FOXN2: variants seen among roughly 807,000 people sequenced by gnomAD.
FOXN2 encodes the protein forkhead box protein N2.
Under a neutral mutation model 41.2 loss-of-function variants are expected in FOXN2, and 19 were observed. That is an observed-to-expected ratio of 0.46 (90% confidence interval 0.32 to 0.68). The LOEUF (loss-of-function observed/expected upper bound fraction) is 0.68. FOXN2 is among the 30% of genes least tolerant of loss of function. The pLI, the probability that FOXN2 is intolerant of heterozygous loss-of-function variation, is 0.03. For missense variants in FOXN2, 587 were observed against 509.4 expected, an observed-to-expected ratio of 1.15 and a Z score of -1.47; for synonymous variants, 195 against 176.8, an observed-to-expected ratio of 1.10 and a Z score of -0.82.
intron 1 of FOXN2, among the ~76,000 whole-genome samples, chr2:48,324,658 C>G (rs2104136049): frequency 6.6e-6 from 1 of 152,264 alleles, no homozygotes; most frequent in South Asian, 2.1e-4. Context: ...TTTTGAAGTA[C>G]TCTGCTTAGG....
At chr2:48,351,408 A>G (rs1671439924) in intron 3 of FOXN2, among the ~76,000 whole-genome samples, 1 of 152,178 alleles carries the variant, frequency 6.6e-6, no homozygotes, top group Non-Finnish European at 1.5e-5. Context: ...TCATAATACG[A>G]TATAGAAAGA....
At chr2:48,318,264 CT>C (rs376770977) in intron 1 of FOXN2, among the ~76,000 whole-genome samples, 18 of 152,030 alleles carry the variant, frequency 1.2e-4, no homozygotes, top group African/African-American at 2.7e-4. Flanking sequence ...TCCCTAATGT[CT>C]TTTTTTTGTT....
intron 1 of FOXN2, among the ~76,000 whole-genome samples, chr2:48,324,706 T>G (rs967224771): frequency 6.6e-6 from 1 of 152,204 alleles, no homozygotes; most frequent in Admixed American, 6.5e-5. Flanking sequence ...CTTTCTTTGG[T>G]TAACGATACT....
In FOXN2 at chr2:48,323,630, C is replaced by T. The variant is rs35456655; in HGVS notation, c.-156-4931C>T. On this transcript the variant is annotated intron_variant, in intron 1 of 6. Coordinates refer to ENST00000340553, the MANE Select transcript of FOXN2 (RefSeq NM_002158.4). ...TGCCTTGTAGGTTCTGGATATTAGTCGTTTGTCACATGTATAGTTTGCAAA... is the reference window on the plus strand; with the variant it reads ...TGCCTTGTAGGTTCTGGATATTAGTTGTTTGTCACATGTATAGTTTGCAAA... 1.0e-3 allele frequency among the ~76,000 whole-genome samples: 158 copies of T among 152,120 alleles called. 1 individual carries two copies. The highest frequency in any genetic ancestry group is 1.9e-3 in the Non-Finnish European group (129 of 67,990).
At position 48,378,426 on chromosome 2, in the gene FOXN2, G is replaced by A. The variant is rs575797271; in HGVS notation, c.*2983G>A. The A allele has an allele frequency of 6.7e-6, 1 of 149,762 alleles. No individual in the cohort carries two copies. The highest frequency in any genetic ancestry group is 2.1e-4 in the South Asian group (1 of 4,672). 9.3% of individuals were successfully genotyped at this position (149,762 alleles called of 1,614,324 possible). A position where few individuals can be genotyped will look rare whatever the true frequency, so the allele number is the denominator to read the frequency against. On this transcript the variant is annotated 3_prime_UTR_variant, in exon 7 of 7. Coordinates refer to ENST00000340553, the MANE Select transcript of FOXN2 (RefSeq NM_002158.4). ...CTACTTTCTGAGGCATTATGTAAAG[G>A]GCTCATACTAGATGTTCAGTTAAAT...
At chr2:48,327,936 T>G (rs1215455229) in intron 1 of FOXN2, among the ~76,000 whole-genome samples, 1 of 152,186 alleles carries the variant, frequency 6.6e-6, no homozygotes, top group Non-Finnish European at 1.5e-5. Context: ...AGTCCTAAGT[T>G]TTACTCTTGC....
chr2:48,333,812 T>A (rs926689069), intron 2 of FOXN2, among the ~76,000 whole-genome samples: 5 of 152,210 alleles, frequency 3.3e-5, no homozygotes, highest in Non-Finnish European at 1.5e-5. Context: ...CCCTCTTTAC[T>A]GTAAATATAC....
rs147935730 is a variant in FOXN2, at chr2:48,357,453, G to T, written c.538-1594G>T. Among the ~76,000 whole-genome samples, 10 of 151,860 alleles carry T rather than the reference G, an allele frequency of 6.6e-5. No individual in the cohort carries two copies. In the East Asian group the frequency reaches 1.7e-3, roughly 26 times the overall value. On this transcript the variant is annotated intron_variant, in intron 3 of 6. Coordinates refer to ENST00000340553, the MANE Select transcript of FOXN2 (RefSeq NM_002158.4). ...CTGCGTATCTTTTCTATATGAAACTGAATTGGCTTTGGGGCAAAAGATGTT... is the reference window on the plus strand; with the variant it reads ...CTGCGTATCTTTTCTATATGAAACTTAATTGGCTTTGGGGCAAAAGATGTT...
intron 2 of FOXN2, among the ~76,000 whole-genome samples, chr2:48,345,784 A>G (rs1240012942): frequency 6.6e-6 from 1 of 152,174 alleles, no homozygotes; most frequent in Non-Finnish European, 1.5e-5. Context: ...ATTATTTTCA[A>G]GATTCAACTA....
At chr2:48,340,025 G>A (rs1670638270) in intron 2 of FOXN2, among the ~76,000 whole-genome samples, 1 of 152,168 alleles carries the variant, frequency 6.6e-6, no homozygotes, top group Admixed American at 6.5e-5. Context: ...TTAATTTTAT[G>A]TGATGTTTAA....
chr2:48,342,929 A>G (rs192243780), intron 2 of FOXN2, among the ~76,000 whole-genome samples: 1 of 152,326 alleles, frequency 6.6e-6, no homozygotes, highest in Admixed American at 6.5e-5. Flanking sequence ...CTATTTCTTT[A>G]CATCTTAATG....
chr2:48,330,146 ATATAT>A (rs1365925791), intron 2 of FOXN2, among the ~76,000 whole-genome samples: 5 of 152,132 alleles, frequency 3.3e-5, no homozygotes, highest in African/African-American at 1.2e-4. Flanking sequence ...AACTGCTAAA[ATATAT>A]TATGTCATTT....
In FOXN2 at chr2:48,360,820, C is replaced by G. The variant is rs1473954326; in HGVS notation, c.638+1673C>G. Among the ~76,000 whole-genome samples the G allele has an allele frequency of 2.0e-5, 3 of 148,216 alleles. No homozygotes were observed. In the East Asian group the frequency reaches 5.8e-4, roughly 29 times the overall value. ...TTTTTTTTTTTGCTGAAGATTAAGC[C>G]TGGACAACATGGAGAAACCCTGTCT... On this transcript the variant is annotated intron_variant, in intron 4 of 6. Transcript: ENST00000340553.
intron 2 of FOXN2, among the ~76,000 whole-genome samples, chr2:48,329,872 T>C (rs967813334): frequency 1.8e-4 from 28 of 152,106 alleles, no homozygotes; most frequent in Admixed American, 6.6e-5. Flanking sequence ...CCAGTGTTTT[T>C]AGATATTCTG....
intron 2 of FOXN2, among the ~76,000 whole-genome samples, chr2:48,334,883 C>G (rs1558617832): frequency 6.6e-6 from 1 of 152,156 alleles, no homozygotes; most frequent in Non-Finnish European, 1.5e-5. Flanking sequence ...TAGAATATTA[C>G]TGCAAATCGA....
chr2:48,346,674 A>G lies in FOXN2; in HGVS notation c.460A>G (p.Thr154Ala), dbSNP rs1257048697. 4 of 1,613,550 alleles carry G rather than the reference A, an allele frequency of 2.5e-6. No individual in the cohort carries two copies. Among genetic ancestry groups the G allele is most frequent in the East Asian group, 4.5e-5 (2 of 44,900 alleles). The change falls in exon 3 of 7, where the codon ACA becomes GCA. Residue 154 changes from threonine (T) to alanine (A), a missense_variant. Thr to Ala is a moderately conservative substitution (Grantham distance 58). Coordinates refer to ENST00000340553, the MANE Select transcript of FOXN2 (RefSeq NM_002158.4). ...DHFPYFATAP[T>A]GWKNSVRHNL... Reference sequence around the variant, plus strand: ...TTTTCCATATTTTGCTACTGCACCAACAGGCTGGAAGAATTCTGTTCGACA... The same window carrying G: ...TTTTCCATATTTTGCTACTGCACCAGCAGGCTGGAAGAATTCTGTTCGACA...
chr2:48,333,352 TA>T (rs1328376933), intron 2 of FOXN2, among the ~76,000 whole-genome samples: 1 of 152,130 alleles, frequency 6.6e-6, no homozygotes, highest in Non-Finnish European at 1.5e-5. Context: ...CTTTAGCATT[TA>T]AAATTCCTAT....
At chr2:48,358,602 G>A (rs1671960427) in intron 3 of FOXN2, among the ~76,000 whole-genome samples, 1 of 151,976 alleles carries the variant, frequency 6.6e-6, no homozygotes, top group South Asian at 2.1e-4. Flanking sequence ...AAAGAGTGTG[G>A]GAAATGGAAG....
chr2:48,330,298 G>A (rs1669947597), intron 2 of FOXN2, among the ~76,000 whole-genome samples: 1 of 151,986 alleles, frequency 6.6e-6, no homozygotes, highest in East Asian at 1.9e-4. Context: ...GGAAAGGAGA[G>A]GAAAATTGAA....
Sources: allele counts gnomAD v4.1 joint callset (sites outside exome capture counted in the v4.1 genomes callset), GRCh38; gene constraint gnomAD v4.1.1; transcripts MANE v1.5; gene names NCBI Gene and HGNC (gene_info 2026-07-23, HGNC 2026-07-21).